PPP1R12B: variants seen among roughly 807,000 people sequenced by gnomAD.
PPP1R12B encodes protein phosphatase 1 regulatory subunit 12B.
Under a neutral mutation model 126.1 loss-of-function variants are expected in PPP1R12B, and 76 were observed. The observed-to-expected ratio is 0.60, with a 90% CI of 0.50 to 0.73. PPP1R12B has a LOEUF of 0.73. PPP1R12B is among the 30% of genes least tolerant of loss of function. PPP1R12B has a pLI of 0.00. For synonymous variants in PPP1R12B, 356 were observed against 434.7 expected, an observed-to-expected ratio of 0.82 and a Z score of 2.25; for missense variants, 1,052 against 1,205.1, an observed-to-expected ratio of 0.87 and a Z score of 1.88.
intron 13 of PPP1R12B, chr1:202,472,168 A>T: frequency 1.2e-6 from 1 of 804,106 alleles, no homozygotes; most frequent in Non-Finnish European, 1.9e-6. Flanking sequence ...TTTTTTATAT[A>T]TTCCAGATAT....
chr1:202,539,262 C>A (rs1684861410), intron 18 of PPP1R12B, among the ~76,000 whole-genome samples: 1 of 152,186 alleles, frequency 6.6e-6, no homozygotes, highest in Admixed American at 6.5e-5. Context: ...TCTGAGCATG[C>A]CCCCAAAGAG....
At chr1:202,355,879 T>A (rs1656985120) in intron 1 of PPP1R12B, among the ~76,000 whole-genome samples, 1 of 152,164 alleles carries the variant, frequency 6.6e-6, no homozygotes, top group African/African-American at 2.4e-5. Flanking sequence ...AATAGAAATC[T>A]CCTATAGGTG....
intron 13 of PPP1R12B, among the ~76,000 whole-genome samples, chr1:202,455,578 C>G (rs1673525872): frequency 6.6e-6 from 1 of 152,150 alleles, no homozygotes; most frequent in African/African-American, 2.4e-5. Flanking sequence ...AATATTCCAT[C>G]ATATAGATAA....
At chr1:202,481,271 T>C (rs1677327279) in intron 13 of PPP1R12B, among the ~76,000 whole-genome samples, 1 of 152,210 alleles carries the variant, frequency 6.6e-6, no homozygotes, top group Non-Finnish European at 1.5e-5. Flanking sequence ...GTACACATTG[T>C]AACTAACCAC....
At chr1:202,385,170 C>T (rs1260062560) in intron 1 of PPP1R12B, among the ~76,000 whole-genome samples, 1 of 152,162 alleles carries the variant, frequency 6.6e-6, no homozygotes, top group Non-Finnish European at 1.5e-5. Flanking sequence ...TTATGAAAAT[C>T]AGGGAAAGAT....
rs1690067613 is a variant in PPP1R12B, at chr1:202,590,546, C to G, written c.*9986C>G. 1 of 151,832 alleles carries G rather than the reference C, an allele frequency of 6.6e-6. No individual in the cohort carries two copies. The highest frequency in any genetic ancestry group is 1.5e-5 in the Non-Finnish European group (1 of 68,036). 9.4% of individuals were successfully genotyped at this position (151,832 alleles called of 1,614,324 possible). A position where few individuals can be genotyped will look rare whatever the true frequency, so the allele number is the denominator to read the frequency against. Reference sequence around the variant, plus strand: ...CTCACAGGCAGCTCCCACTCCCTCACCCCCACCTCAGCGCAGCAAAAACAA... The same window carrying G: ...CTCACAGGCAGCTCCCACTCCCTCAGCCCCACCTCAGCGCAGCAAAAACAA... On this transcript the variant is annotated 3_prime_UTR_variant, in exon 24 of 24. Coordinates refer to ENST00000608999, the MANE Select transcript of PPP1R12B (RefSeq NM_002481.4).
intron 13 of PPP1R12B, among the ~76,000 whole-genome samples, chr1:202,482,712 A>C (rs1227163923): frequency 1.3e-5 from 2 of 152,126 alleles, no homozygotes; most frequent in African/African-American, 4.8e-5. Flanking sequence ...TCTGTTTAAT[A>C]GTTTCCTTTG....
intron 1 of PPP1R12B, among the ~76,000 whole-genome samples, chr1:202,389,810 C>T (rs906541775): frequency 2.4e-4 from 37 of 151,852 alleles, no homozygotes; most frequent in Admixed American, 5.2e-4. Context: ...GCTTGCAGTC[C>T]CAGCTACTCG....
chr1:202,463,463 C>T (rs1180838684), intron 13 of PPP1R12B, among the ~76,000 whole-genome samples: 1 of 151,870 alleles, frequency 6.6e-6, no homozygotes, highest in African/African-American at 2.4e-5. Context: ...TTTTGTTTGC[C>T]TTAAATATTA....
At chr1:202,439,904 C>T (rs1043084800) in intron 10 of PPP1R12B, 11 of 248,286 alleles carry the variant, frequency 4.4e-5, no homozygotes, top group Non-Finnish European at 6.4e-5. Flanking sequence ...ACTGTCTAGG[C>T]TCACTTCCTG....
intron 12 of PPP1R12B, 134 bp downstream of exon 12, chr1:202,442,706 A>G (rs1671786712): frequency 2.0e-6 from 2 of 979,320 alleles, no homozygotes; most frequent in Non-Finnish European, 2.8e-6. Flanking sequence ...GGTTTCTTAG[A>G]ATTAACATCT....
intron 1 of PPP1R12B, among the ~76,000 whole-genome samples, chr1:202,362,864 C>A (rs1281863471): frequency 6.6e-6 from 1 of 152,062 alleles, no homozygotes; most frequent in Non-Finnish European, 1.5e-5. Context: ...GACAGAGTTT[C>A]CCTCTGTTGC....
chr1:202,433,991 C>T (rs1670505941), intron 8 of PPP1R12B, among the ~76,000 whole-genome samples: 1 of 152,120 alleles, frequency 6.6e-6, no homozygotes, highest in South Asian at 2.1e-4. Context: ...AAGGTGTATA[C>T]ATGAATAAAC....
At chr1:202,394,166 A>G (rs1664558963) in intron 1 of PPP1R12B, among the ~76,000 whole-genome samples, 1 of 151,864 alleles carries the variant, frequency 6.6e-6, no homozygotes, top group African/African-American at 2.4e-5. Flanking sequence ...GCGAAACCCC[A>G]TCTCTACTAA....
chr1:202,509,094 C>T lies in PPP1R12B; in HGVS notation c.2490+12272C>T, dbSNP rs531433278. ...TGCAGGCCACGCTGCAGTTTGCTGG[C>T]CTCTGCTCTAGGTTACTGATAGAAA... On this transcript the variant is annotated intron_variant, in intron 18 of 23. Coordinates refer to ENST00000608999, the MANE Select transcript of PPP1R12B (RefSeq NM_002481.4). Among the ~76,000 whole-genome samples, 9 of 152,360 alleles carry T rather than the reference C, an allele frequency of 5.9e-5. No individual in the cohort carries two copies. The South Asian group carries it at 6.2e-4, about 11-fold the overall frequency.
At chr1:202,428,320 G>A (rs892505262) in intron 5 of PPP1R12B, among the ~76,000 whole-genome samples, 3 of 152,296 alleles carry the variant, frequency 2.0e-5, no homozygotes, top group African/African-American at 7.2e-5. Flanking sequence ...TTAATTAGTA[G>A]ATATTCTTAT....
intron 13 of PPP1R12B, among the ~76,000 whole-genome samples, chr1:202,453,539 T>C (rs1673262952): frequency 6.6e-6 from 1 of 151,996 alleles, no homozygotes; most frequent in African/African-American, 2.4e-5. Flanking sequence ...TTTAGGTGTT[T>C]GGTAAAATTC....
intron 1 of PPP1R12B, among the ~76,000 whole-genome samples, chr1:202,374,927 TTCTC>T (rs1449130733): frequency 6.6e-6 from 1 of 152,084 alleles, no homozygotes; most frequent in Non-Finnish European, 1.5e-5. Context: ...CTATTCTTCT[TTCTC>T]CAACTATTTT....
In PPP1R12B at chr1:202,465,405, A is replaced by G. The variant is rs1307048126; in HGVS notation, c.1850+16234A>G. Among the ~76,000 whole-genome samples the G allele has an allele frequency of 9.2e-5, 14 of 152,344 alleles. No homozygotes were observed. The East Asian group carries it at 2.5e-3, about 27-fold the overall frequency. On this transcript the variant is annotated intron_variant, in intron 13 of 23. Transcript: ENST00000608999. ...GAACTTCTAGGAAATGAGTCTTTGT[A>G]TAGGGAAATATCACTTCTGAAAGTG... is the stretch of plus-strand genomic sequence containing the variant.
Sources: allele counts gnomAD v4.1 joint callset (sites outside exome capture counted in the v4.1 genomes callset), GRCh38; gene constraint gnomAD v4.1.1; transcripts MANE v1.5; gene names NCBI Gene and HGNC (gene_info 2026-07-23, HGNC 2026-07-21).